ASAH2: variants seen among roughly 807,000 people sequenced by gnomAD.
ASAH2 encodes N-acylsphingosine amidohydrolase 2.
A neutral mutation model predicts 82.9 loss-of-function variants in ASAH2; 58 were observed. The ratio of observed to expected loss-of-function variants is 0.70; its 90% CI spans 0.57 to 0.87. The LOEUF is 0.87. ASAH2 is among the 40% of genes least tolerant of loss of function. The pLI is 0.00. For synonymous variants in ASAH2, 276 were observed against 289.7 expected (o/e 0.95, Z 0.48); for missense variants, 779 against 834.0 (o/e 0.93, Z 0.81).
At chr10:50,218,047 C>G (rs1197891700) in intron 8 of ASAH2, among the ~76,000 whole-genome samples, 1 of 152,158 alleles carries the variant, frequency 6.6e-6, no homozygotes, top group Non-Finnish European at 1.5e-5. Context: ...GTTGCTGAAC[C>G]TGGGAGGCAG....
chr10:50,236,613 T>C (rs1846165862), intron 4 of ASAH2, among the ~76,000 whole-genome samples: 1 of 152,140 alleles, frequency 6.6e-6, no homozygotes, highest in South Asian at 2.1e-4. Context: ...AAAATAATAA[T>C]AACAATACCT....
intron 10 of ASAH2, among the ~76,000 whole-genome samples, chr10:50,211,477 G>T (rs879954131): frequency 0.11 from 16,419 of 152,146 alleles, 1,325 homozygotes; most frequent in Admixed American, 0.27. Flanking sequence ...TACTTTCTTT[G>T]CTAGAGTGAG....
intron 8 of ASAH2, 88 bp downstream of exon 8, chr10:50,218,422 T>A: frequency 6.4e-7 from 1 of 1,569,154 alleles, no homozygotes; most frequent in Admixed American, 1.7e-5. Flanking sequence ...CACTTTATTC[T>A]GGAGATTTGA....
intron 3 of ASAH2, among the ~76,000 whole-genome samples, chr10:50,243,854 G>A (rs984967237): frequency 6.6e-6 from 1 of 152,148 alleles, no homozygotes; most frequent in African/African-American, 2.4e-5. Flanking sequence ...TGAAGAAAGT[G>A]GTATATTTAT....
chr10:50,231,584 G>C (rs2133223102), intron 7 of ASAH2, among the ~76,000 whole-genome samples: 1 of 152,194 alleles, frequency 6.6e-6, no homozygotes, highest in Admixed American at 6.5e-5. Flanking sequence ...TAGAAAACTT[G>C]CCTTATTCAT....
In ASAH2 at chr10:50,233,264, A is replaced by C; in HGVS notation, c.816-3T>G. 6.2e-7 allele frequency: 1 copy of C among 1,600,710 alleles called. No homozygotes were observed. ...CCTTGTCTGTATTTGAAGAATACCTAGTCAGTAAAACAGAAAAGCACAGTC... is the reference window on the plus strand; with the variant it reads ...CCTTGTCTGTATTTGAAGAATACCTCGTCAGTAAAACAGAAAAGCACAGTC... On this transcript the variant is annotated splice_region_variant and splice_polypyrimidine_tract_variant and intron_variant, in intron 6 of 20. Transcript: ENST00000682911.
chr10:50,228,523 T>C (rs1467367636), intron 7 of ASAH2, among the ~76,000 whole-genome samples: 1 of 152,180 alleles, frequency 6.6e-6, no homozygotes, highest in Non-Finnish European at 1.5e-5. Flanking sequence ...ATAGAGAAGA[T>C]TTATATATAT....
intron 9 of ASAH2, among the ~76,000 whole-genome samples, chr10:50,214,253 G>A (rs1031108207): frequency 3.9e-5 from 6 of 152,142 alleles, no homozygotes; most frequent in East Asian, 1.9e-4. Flanking sequence ...AAAGGGAGGC[G>A]AAGAGGGACT....
intron 7 of ASAH2, among the ~76,000 whole-genome samples, chr10:50,224,435 G>C (rs1845826894): frequency 6.6e-6 from 1 of 151,962 alleles, no homozygotes; most frequent in Non-Finnish European, 1.5e-5. Flanking sequence ...TTAAATATAT[G>C]GGGGCGGTGT....
intron 4 of ASAH2, among the ~76,000 whole-genome samples, chr10:50,236,271 G>A (rs1217552801): frequency 6.6e-6 from 1 of 152,128 alleles, no homozygotes; most frequent in East Asian, 1.9e-4. Context: ...GACTGGGGAG[G>A]CCTCAGGAAA....
At chr10:50,231,847 T>C (rs1230335293) in intron 7 of ASAH2, among the ~76,000 whole-genome samples, 1 of 152,216 alleles carries the variant, frequency 6.6e-6, no homozygotes, top group Non-Finnish European at 1.5e-5. Flanking sequence ...AGGTAGAATA[T>C]GTTTTCTATT....
intron 3 of ASAH2, among the ~76,000 whole-genome samples, chr10:50,243,680 AG>A (rs1035377299): frequency 6.6e-6 from 1 of 152,156 alleles, no homozygotes; most frequent in African/African-American, 2.4e-5. Context: ...CTAACACGAG[AG>A]ATCTTTCTGG....
intron 5 of ASAH2, 66 bp from the exon 6 acceptor site, chr10:50,234,618 A>C: frequency 6.2e-7 from 1 of 1,607,776 alleles, no homozygotes; most frequent in Non-Finnish European, 8.5e-7. Flanking sequence ...TAACTTAGTC[A>C]ATATAAACAG....
At chr10:50,215,560 C>G (rs1845571041) in intron 8 of ASAH2, among the ~76,000 whole-genome samples, 2 of 152,214 alleles carry the variant, frequency 1.3e-5, no homozygotes, top group South Asian at 4.1e-4. Context: ...ACAGGGGATC[C>G]TTTCCCTATT....
intron 5 of ASAH2, among the ~76,000 whole-genome samples, chr10:50,235,467 G>T (rs1846134134): frequency 6.6e-6 from 1 of 151,984 alleles, no homozygotes; most frequent in African/African-American, 2.4e-5. Context: ...TGAAAAATTG[G>T]GATGTGTGTT....
chr10:50,209,709 A>T (rs1845402166), intron 12 of ASAH2, among the ~76,000 whole-genome samples: 1 of 152,292 alleles, frequency 6.6e-6, no homozygotes, highest in East Asian at 1.9e-4. Context: ...AAATAACCCA[A>T]ATTTTAAAAG....
At chr10:50,215,964 T>C (rs1344873744) in intron 8 of ASAH2, among the ~76,000 whole-genome samples, 1 of 152,144 alleles carries the variant, frequency 6.6e-6, no homozygotes, top group African/African-American at 2.4e-5. Flanking sequence ...ATATACACCA[T>C]GGAATACTAT....
intron 9 of ASAH2, among the ~76,000 whole-genome samples, chr10:50,214,322 T>G (rs1845541478): frequency 6.6e-6 from 1 of 152,188 alleles, no homozygotes; most frequent in Non-Finnish European, 1.5e-5. Flanking sequence ...GCAATTTTTT[T>G]GCTTGTAATT....
chr10:50,249,412 A>G (rs2133238157), intron 1 of ASAH2, among the ~76,000 whole-genome samples: 1 of 152,316 alleles, frequency 6.6e-6, no homozygotes, highest in African/African-American at 2.4e-5. Context: ...CATTACTCAG[A>G]GGAACTATAC....
Sources: gnomAD v4.1 joint callset for allele counts (sites outside exome capture counted in the v4.1 genomes callset) on GRCh38, gnomAD v4.1.1 for gene constraint, MANE v1.5 for transcripts, NCBI Gene and HGNC (gene_info 2026-07-23, HGNC 2026-07-21) for gene names.